PRMT8: variants seen among roughly 807,000 people sequenced by gnomAD.
PRMT8 encodes the protein protein arginine methyltransferase 8, also known as protein arginine N-methyltransferase 8.
A neutral mutation model predicts 47.1 loss-of-function variants in PRMT8; 7 were observed. The ratio of observed to expected loss-of-function variants is 0.15; its 90% CI spans 0.08 to 0.28. PRMT8 has a LOEUF of 0.28. PRMT8 is among the 10% of genes least tolerant of loss of function. The pLI is 1.00. For missense variants in PRMT8, 237 were observed against 505.4 expected (o/e 0.47, Z 5.09); for synonymous variants, 188 against 186.5 (o/e 1.01, Z -0.07).
intron 6 of PRMT8, among the ~76,000 whole-genome samples, chr12:3,571,783 AT>A (rs1025296515): frequency 2.2e-4 from 34 of 152,256 alleles, no homozygotes; most frequent in African/African-American, 7.9e-4. Context: ...AAAATAATCT[AT>A]TTTTTTGTAA....
intron 1 of PRMT8, among the ~76,000 whole-genome samples, chr12:3,527,030 T>C (rs1323976837): frequency 6.6e-6 from 1 of 152,190 alleles, no homozygotes; most frequent in African/African-American, 2.4e-5. Context: ...TTGCTATTTG[T>C]TTCTCTATTA....
At chr12:3,531,764 G>T (rs543568847) in intron 1 of PRMT8, among the ~76,000 whole-genome samples, 6 of 152,332 alleles carry the variant, frequency 3.9e-5, no homozygotes, top group African/African-American at 1.4e-4. Context: ...TGAAGGTGGC[G>T]GCGCCCACAC....
intron 1 of PRMT8, among the ~76,000 whole-genome samples, chr12:3,382,758 T>C (rs771171765): frequency 1.3e-4 from 20 of 152,250 alleles, no homozygotes; most frequent in African/African-American, 1.9e-4. Context: ...TTATGAAACA[T>C]GCTTTTGGTG....
At chr12:3,394,527 A>G (rs1309120124) in intron 1 of PRMT8, among the ~76,000 whole-genome samples, 2 of 151,910 alleles carry the variant, frequency 1.3e-5, no homozygotes, top group African/African-American at 4.8e-5. Context: ...TGATTTGCGT[A>G]TATTGAACCA....
intron 1 of PRMT8, among the ~76,000 whole-genome samples, chr12:3,457,805 G>T (rs1166358446): frequency 6.7e-6 from 1 of 149,518 alleles, no homozygotes; most frequent in Non-Finnish European, 1.5e-5. Flanking sequence ...ATCTGGATTT[G>T]GACATGATTA....
At chr12:3,530,856 G>A (rs567785193) in intron 1 of PRMT8, among the ~76,000 whole-genome samples, 14 of 152,310 alleles carry the variant, frequency 9.2e-5, no homozygotes, top group East Asian at 3.9e-4. Flanking sequence ...ATATTTACAC[G>A]CTCAGCGTCT....
At chr12:3,465,216 T>A (rs1430183953) in intron 1 of PRMT8, among the ~76,000 whole-genome samples, 4 of 144,502 alleles carry the variant, frequency 2.8e-5, no homozygotes, top group African/African-American at 7.5e-5. Context: ...TTATATATAT[T>A]TTATAAATAT....
At position 3,491,244 on chromosome 12, in the gene PRMT8, G is replaced by A; in HGVS notation, c.-382G>A. ...CGGCAGAAGTTGAGAGGAGTTGGCG[G>A]CTGCCTCCGGCCGGCCGGACTTTGC... On this transcript the variant is annotated 5_prime_UTR_variant, in exon 1 of 10. Coordinates refer to ENST00000382622, the MANE Select transcript of PRMT8 (RefSeq NM_019854.5). 1 of 1,018,542 alleles carries A rather than the reference G, an allele frequency of 9.8e-7. No individual in the cohort carries two copies. Among genetic ancestry groups the A allele is most frequent in the Non-Finnish European group, 1.2e-6 (1 of 851,496 alleles). 63.1% of individuals were successfully genotyped at this position (1,018,542 alleles called of 1,614,324 possible). A position where few individuals can be genotyped will look rare whatever the true frequency, so the allele number is the denominator to read the frequency against.
intron 1 of PRMT8, among the ~76,000 whole-genome samples, chr12:3,539,930 G>A (rs780427468): frequency 5.9e-5 from 9 of 152,206 alleles, no homozygotes; most frequent in African/African-American, 1.7e-4. Context: ...TTTGGGGGCC[G>A]TATCCTCTTC....
intron 1 of PRMT8, among the ~76,000 whole-genome samples, chr12:3,433,228 C>A (rs546981277): frequency 6.6e-6 from 1 of 152,308 alleles, no homozygotes; most frequent in South Asian, 2.1e-4. Context: ...ATTAGTTAGC[C>A]TCCTGTGAAT....
intron 1 of PRMT8, among the ~76,000 whole-genome samples, chr12:3,496,214 ATTTT>A (rs1555085718): frequency 0.032 from 882 of 27,790 alleles, 79 homozygotes; most frequent in African/African-American, 0.066. Context: ...ATATATATAT[ATTTT>A]TTTTTTTTTT....
At chr12:3,586,543 T>TC (rs1867178279) in intron 8 of PRMT8, among the ~76,000 whole-genome samples, 1 of 152,210 alleles carries the variant, frequency 6.6e-6, no homozygotes, top group Admixed American at 6.5e-5. Context: ...GGGAAGTGGT[T>TC]CTCAAAGTGT....
At chr12:3,587,811 G>A (rs1006649021) in intron 8 of PRMT8, among the ~76,000 whole-genome samples, 5 of 152,194 alleles carry the variant, frequency 3.3e-5, no homozygotes, top group Non-Finnish European at 7.3e-5. Context: ...CGCGCTCTGC[G>A]GGCCACTTAG....
rs534747308 is a variant in PRMT8, at chr12:3,563,082, A to G, written c.482-5624A>G. On this transcript the variant is annotated intron_variant, in intron 4 of 9. Coordinates refer to ENST00000382622, the MANE Select transcript of PRMT8 (RefSeq NM_019854.5). ...TGGTGCTGGGTATCTGCCAGGCTGG[A>G]CCACAGGTGGGGTTCTAAGTGGTGG... Among the ~76,000 whole-genome samples, 12 of 151,578 alleles carry G rather than the reference A, an allele frequency of 7.9e-5. No individual in the cohort carries two copies. The South Asian group carries it at 2.5e-3, about 32-fold the overall frequency.
chr12:3,550,125 C>T lies in PRMT8; in HGVS notation c.417+34C>T, dbSNP rs745590471. On this transcript the variant is annotated intron_variant, in intron 3 of 9. Coordinates refer to ENST00000382622, the MANE Select transcript of PRMT8 (RefSeq NM_019854.5). The surrounding 1 kb of genome is among the most constrained non-coding windows in gnomAD (Gnocchi z 5.1). ...GCCGCTTCCTCCTGCATGCTGGCTTCCACAGAGCCAGCCTCTTGCCCTCTG... is the reference window on the plus strand; with the variant it reads ...GCCGCTTCCTCCTGCATGCTGGCTTTCACAGAGCCAGCCTCTTGCCCTCTG... 15 of 1,609,204 alleles carry T rather than the reference C, an allele frequency of 9.3e-6. No homozygotes were observed. The highest frequency in any genetic ancestry group is 1.9e-4 in the Middle Eastern group (1 of 5,140).
chr12:3,554,653 C>T (rs553740133), intron 4 of PRMT8, among the ~76,000 whole-genome samples: 3 of 152,118 alleles, frequency 2.0e-5, no homozygotes, highest in East Asian at 1.9e-4. Flanking sequence ...GAGGGAAGGA[C>T]GTTCCCTTGA....
At chr12:3,468,441 T>C (rs555422521) in intron 1 of PRMT8, among the ~76,000 whole-genome samples, 1 of 152,180 alleles carries the variant, frequency 6.6e-6, no homozygotes, top group Non-Finnish European at 1.5e-5. Flanking sequence ...AGAGTGCCCA[T>C]CTCTGATATG....
chr12:3,577,845 C>T lies in PRMT8; in HGVS notation c.828+859C>T, dbSNP rs138261954. On this transcript the variant is annotated intron_variant, in intron 7 of 9. Coordinates refer to ENST00000382622, the MANE Select transcript of PRMT8 (RefSeq NM_019854.5). ...GTGCAGATGAAGAACAGCTGCTCAGCGTCTTTGCCACACCAATCCCTAGTA... is the reference window on the plus strand; with the variant it reads ...GTGCAGATGAAGAACAGCTGCTCAGTGTCTTTGCCACACCAATCCCTAGTA... Among the ~76,000 whole-genome samples the T allele has an allele frequency of 3.3e-3, 504 of 152,226 alleles. 2 individuals are homozygous for T. Among genetic ancestry groups the T allele is most frequent in the Non-Finnish European group, 4.7e-3 (317 of 68,028 alleles).
At chr12:3,460,543 GA>G (rs2137087764) in intron 1 of PRMT8, among the ~76,000 whole-genome samples, 1 of 152,304 alleles carries the variant, frequency 6.6e-6, no homozygotes, top group South Asian at 2.1e-4. Context: ...AGGTTTGCGG[GA>G]GGAAGAGAAA....
Sources: gnomAD v4.1 joint callset for allele counts (sites outside exome capture counted in the v4.1 genomes callset) on GRCh38, gnomAD v4.1.1 for gene constraint, Gnocchi (gnomAD v3.1) non-coding constraint, MANE v1.5 for transcripts, NCBI Gene and HGNC (gene_info 2026-07-23, HGNC 2026-07-21) for gene names.